FAM135B: variants seen among roughly 807,000 people sequenced by gnomAD.
The protein encoded by FAM135B is protein FAM135B.
FAM135B carries 43 observed loss-of-function variants against 127.7 expected under a neutral mutation model. The ratio of observed to expected loss-of-function variants is 0.34; its 90% CI spans 0.26 to 0.43. The LOEUF (loss-of-function observed/expected upper bound fraction) is 0.43. Among genes scored for constraint, FAM135B ranks in the 20% least tolerant of loss-of-function variants. The pLI is 1.00. For missense variants in FAM135B, 1,558 were observed against 1,725.6 expected (o/e 0.90, Z 1.72); for synonymous variants, 670 against 665.1 (o/e 1.01, Z -0.11).
At chr8:138,403,218 A>C (rs1236049829) in intron 1 of FAM135B, among the ~76,000 whole-genome samples, 1 of 152,162 alleles carries the variant, frequency 6.6e-6, no homozygotes, top group Non-Finnish European at 1.5e-5. Context: ...ACTCCTTACC[A>C]GTTCCTTTCC....
intron 5 of FAM135B, among the ~76,000 whole-genome samples, chr8:138,253,621 C>T (rs1821865570): frequency 6.6e-6 from 1 of 152,182 alleles, no homozygotes; most frequent in South Asian, 2.1e-4. Flanking sequence ...CTCACATCTC[C>T]CCTCAAGCAT....
intron 2 of FAM135B, among the ~76,000 whole-genome samples, chr8:138,349,587 G>A (rs1193039661): frequency 6.6e-6 from 1 of 152,100 alleles, no homozygotes; most frequent in Admixed American, 6.6e-5. Flanking sequence ...CCCAACATTT[G>A]ACATACGGCT....
intron 6 of FAM135B, among the ~76,000 whole-genome samples, chr8:138,249,096 C>T (rs1191668382): frequency 6.6e-6 from 1 of 152,182 alleles, no homozygotes; most frequent in African/African-American, 2.4e-5. Flanking sequence ...TCAGCAGAGA[C>T]AGCCTGCTAA....
intron 1 of FAM135B, among the ~76,000 whole-genome samples, chr8:138,373,921 T>C (rs1028847269): frequency 6.6e-6 from 1 of 152,172 alleles, no homozygotes; most frequent in African/African-American, 2.4e-5. Flanking sequence ...CAATGGTGCC[T>C]GAAACTTCAT....
rs2130384289 is a variant in FAM135B, at chr8:138,243,002, A to G, written c.609T>C (p.Ser203=). Residue 203 remains serine (S), a synonymous_variant, in exon 7 of 20, where the codon TCT becomes TCC. Transcript: ENST00000395297. This position sits in a 1 kb window ranked among gnomAD's most constrained non-coding sequence, Gnocchi z 7.5. ...KGGPDTGQEQ[S]IISLENLVFG... ...AGACCAAGTTTTCCAGAGAAATGAT[A>G]GACTGTTCTTGTCCGGTGTCTGGGC... 1 of 1,614,026 alleles carries G rather than the reference A, an allele frequency of 6.2e-7. No homozygotes were observed. The highest frequency in any genetic ancestry group is 8.5e-7 in the Non-Finnish European group (1 of 1,179,960).
chr8:138,352,030 C>T (rs1342994298), intron 2 of FAM135B, among the ~76,000 whole-genome samples: 1 of 152,062 alleles, frequency 6.6e-6, no homozygotes, highest in Non-Finnish European at 1.5e-5. Flanking sequence ...CTGACTGATC[C>T]TGTATGGAAC....
chr8:138,267,332 T>C (rs1394365860), intron 3 of FAM135B, among the ~76,000 whole-genome samples: 1 of 152,174 alleles, frequency 6.6e-6, no homozygotes, highest in Non-Finnish European at 1.5e-5. Flanking sequence ...TCTAGAACTG[T>C]GAAAAATACA....
intron 3 of FAM135B, among the ~76,000 whole-genome samples, chr8:138,310,234 T>C (rs938609775): frequency 6.6e-6 from 1 of 152,154 alleles, no homozygotes; most frequent in African/African-American, 2.4e-5. Flanking sequence ...TGCAAACTCC[T>C]AATAGCTCTA....
chr8:138,360,102 CAG>C (rs1308748581), intron 2 of FAM135B, among the ~76,000 whole-genome samples: 5 of 152,070 alleles, frequency 3.3e-5, no homozygotes, highest in South Asian at 2.1e-4. Flanking sequence ...GGAAGAAAGA[CAG>C]GGGATGAATC....
In FAM135B at chr8:138,132,623, G is replaced by T; in HGVS notation, c.4191C>A (p.Phe1397Leu). The T allele has an allele frequency of 6.2e-7, 1 of 1,614,144 alleles. No homozygotes were observed. The highest frequency in any genetic ancestry group is 1.1e-5 in the South Asian group (1 of 91,076). ...LDSELFLEKF[F>L]LVAGLNYFK ...TGAAGTAGTTGAGTCCTGCCACCAAGAAAAACTTCTCCAGGAAGAGTTCTG... is the reference window on the plus strand; with the variant it reads ...TGAAGTAGTTGAGTCCTGCCACCAATAAAAACTTCTCCAGGAAGAGTTCTG... Residue 1397 changes from phenylalanine to leucine, a missense_variant, in exon 20 of 20, where the codon TTC becomes TTA. Physicochemically the swap from Phe to Leu is conservative, Grantham distance 22. This residue lies in a region of FAM135B where 194 missense variants were observed against 333.8 expected (regional missense o/e 0.58). Transcript: ENST00000395297. The surrounding 1 kb of genome is among the most constrained non-coding windows in gnomAD (Gnocchi z 4.5).
At chr8:138,321,376 T>C (rs1322163491) in intron 2 of FAM135B, among the ~76,000 whole-genome samples, 1 of 152,304 alleles carries the variant, frequency 6.6e-6, no homozygotes, top group African/African-American at 2.4e-5. Context: ...ATGCTTTTGG[T>C]GGGACACGTT....
At chr8:138,245,270 C>G (rs1369498579) in intron 6 of FAM135B, among the ~76,000 whole-genome samples, 1 of 152,150 alleles carries the variant, frequency 6.6e-6, no homozygotes, top group Non-Finnish European at 1.5e-5. Flanking sequence ...AGAATAGTAT[C>G]AGGGACCCCA....
chr8:138,388,131 A>T (rs1310695207), intron 1 of FAM135B, among the ~76,000 whole-genome samples: 1 of 152,196 alleles, frequency 6.6e-6, no homozygotes, highest in African/African-American at 2.4e-5. Flanking sequence ...ATGGCAAATA[A>T]GCATATGAAA....
chr8:138,383,259 G>A (rs1298986331), intron 1 of FAM135B, among the ~76,000 whole-genome samples: 2 of 152,150 alleles, frequency 1.3e-5, no homozygotes, highest in Non-Finnish European at 2.9e-5. Context: ...AGTCTTTAAA[G>A]CCAGACATGC....
chr8:138,380,830 G>T, intron 1 of FAM135B, among the ~76,000 whole-genome samples: 1 of 62,596 alleles, frequency 1.6e-5, no homozygotes, highest in South Asian at 9.1e-4. Flanking sequence ...ATGAATCTCA[G>T]TTATACCCAC....
At chr8:138,428,506 TG>T (rs1304300736) in intron 1 of FAM135B, among the ~76,000 whole-genome samples, 1 of 152,118 alleles carries the variant, frequency 6.6e-6, no homozygotes, top group East Asian at 1.9e-4. Context: ...TCTCATATCT[TG>T]TGTAACAGAG....
intron 3 of FAM135B, among the ~76,000 whole-genome samples, chr8:138,285,270 C>T (rs1824588998): frequency 6.7e-6 from 1 of 149,742 alleles, no homozygotes. Flanking sequence ...CCTTAGCCTC[C>T]TGGGTAGCTG....
intron 1 of FAM135B, among the ~76,000 whole-genome samples, chr8:138,372,750 G>T (rs549267315): frequency 1.3e-5 from 2 of 152,254 alleles, no homozygotes; most frequent in South Asian, 4.2e-4. Flanking sequence ...CAGGGTAAAA[G>T]AAAATGCAGT....
At chr8:138,372,466 A>G (rs959446310) in intron 1 of FAM135B, among the ~76,000 whole-genome samples, 14 of 152,152 alleles carry the variant, frequency 9.2e-5, no homozygotes, top group African/African-American at 4.8e-5. Context: ...CACTGGAGAG[A>G]ACAGCCTATC....
Sources: gnomAD v4.1 joint callset for allele counts (sites outside exome capture counted in the v4.1 genomes callset) on GRCh38, gnomAD v4.1.1 for gene constraint, gnomAD v4.1.1 regional missense constraint, Gnocchi (gnomAD v3.1) non-coding constraint, MANE v1.5 for transcripts, NCBI Gene and HGNC (gene_info 2026-07-23, HGNC 2026-07-21) for gene names.